CCDC66: variants seen among roughly 807,000 people sequenced by gnomAD.
CCDC66 encodes coiled-coil domain-containing protein 66.
Under a neutral mutation model 128.3 loss-of-function variants are expected in CCDC66, and 133 were observed. The observed-to-expected ratio is 1.04, with a 90% CI of 0.90 to 1.20. The LOEUF is 1.20. CCDC66 is among the 50% of genes most tolerant of loss of function. The pLI is 0.00. For synonymous variants in CCDC66, 387 were observed against 357.0 expected (o/e 1.08, Z -0.95); for missense variants, 1,126 against 1,075.5 (o/e 1.05, Z -0.66).
intron 4 of CCDC66, 29 bp from the exon 5 acceptor site, chr3:56,566,565 A>C (rs963991162): frequency 2.1e-6 from 3 of 1,409,074 alleles, no homozygotes; most frequent in Non-Finnish European, 3.0e-6. Context: ...ATTTAGTGTT[A>C]ATTTTAAAAC....
At chr3:56,566,523 A>T (rs909456021) in intron 4 of CCDC66, 71 bp from the exon 5 acceptor site, 5 of 1,001,706 alleles carry the variant, frequency 5.0e-6, no homozygotes, top group Non-Finnish European at 7.7e-6. Flanking sequence ...TAAGAACTGT[A>T]TAGCACTATG....
chr3:56,577,130 G>GT (rs2067510310), intron 7 of CCDC66, among the ~76,000 whole-genome samples: 1 of 151,790 alleles, frequency 6.6e-6, no homozygotes, highest in Non-Finnish European at 1.5e-5. Flanking sequence ...CTGTGAGATG[G>GT]TATCTCATTG....
Position 56,619,359 on chromosome 3 carries a change from GAGAGAGAGAA to G in CCDC66, c.2468_2477del (p.Glu823ValfsTer2). ...TTTACCACTAAAAAACAGTAGCTAT[GAGAGAGAGAA>G]TTTGATCTCAGGAAGTAATCAAACA... On this transcript the variant is annotated frameshift_variant, in exon 16 of 18. Coordinates refer to ENST00000394672, the MANE Select transcript of CCDC66 (RefSeq NM_001141947.3). LOFTEE classifies it high-confidence loss of function. 1 of 1,613,314 alleles carries G rather than the reference GAGAGAGAGAA, an allele frequency of 6.2e-7. No individual in the cohort carries two copies. Among genetic ancestry groups the G allele is most frequent in the South Asian group, 1.1e-5 (1 of 91,052 alleles).
In CCDC66 at chr3:56,566,803, AT is replaced by A; in HGVS notation, c.710+45del. The A allele has an allele frequency of 1.9e-6, 3 of 1,575,226 alleles. No individual in the cohort carries two copies. In the Middle Eastern group the frequency reaches 5.1e-4, roughly 267 times the overall value. ...TTGTTATTGTGTGGTCATCTTCAGA[AT>A]ATGGTTTTGCTTTTCCTTTACTTGC... is the stretch of plus-strand genomic sequence containing the variant. On this transcript the variant is annotated intron_variant, in intron 5 of 17. Coordinates refer to ENST00000394672, the MANE Select transcript of CCDC66 (RefSeq NM_001141947.3).
intron 10 of CCDC66, among the ~76,000 whole-genome samples, chr3:56,603,100 A>G (rs2073485158): frequency 6.6e-6 from 1 of 151,700 alleles, no homozygotes; most frequent in African/African-American, 2.4e-5. Flanking sequence ...CTCCCAAAGT[A>G]CTGGGATTAC....
chr3:56,568,087 G>A (rs116353935), intron 6 of CCDC66, among the ~76,000 whole-genome samples: 7,682 of 152,194 alleles, frequency 0.05, 275 homozygotes, highest in South Asian at 0.16. Flanking sequence ...TGTCAGACTC[G>A]GTTAATTTAT....
chr3:56,593,380 A>T, intron 8 of CCDC66, 111 bp from the exon 9 acceptor site: 4 of 1,177,598 alleles, frequency 3.4e-6, no homozygotes, highest in Non-Finnish European at 4.8e-6. Context: ...AATTTTTATG[A>T]TGCTTATTCT....
Position 56,593,012 on chromosome 3 carries a change from G to C in CCDC66, c.979G>C (p.Glu327Gln), listed in dbSNP as rs752295003. The C allele has an allele frequency of 4.3e-6, 7 of 1,611,104 alleles. No homozygotes were observed. In the African/African-American group the frequency reaches 9.4e-5, roughly 22 times the overall value. ...LEHPFSAVKQ[E>Q]LQRKWIEELN... is the part of the protein sequence containing the mutation. ...GCACCCTTTCAGTGCTGTGAAACAA[G>C]AACTGCAAAGAAAATGGATTGAAGA... is the stretch of plus-strand genomic sequence containing the variant. Residue 327 changes from glutamate (E) to glutamine (Q), a missense_variant, in exon 8 of 18, where the codon GAA becomes CAA. Physicochemically the swap from Glu to Gln is conservative, Grantham distance 29. Transcript: ENST00000394672.
In CCDC66 at chr3:56,558,883, A is replaced by G; in HGVS notation, c.49A>G (p.Lys17Glu). ...GCTTGAAACTGAATTACTGGATGGA[A>G]AAACCAAGCTAATATTGTCTCCATA... ...LKLETELLDG[K>E]TKLILSPYEH... The change falls in exon 2 of 18, where the codon AAA becomes GAA. Residue 17 changes from lysine to glutamate, a missense_variant. Transcript: ENST00000394672. The G allele has an allele frequency of 6.5e-7, 1 of 1,549,558 alleles. No individual in the cohort carries two copies. The highest frequency in any genetic ancestry group is 1.2e-5 in the South Asian group (1 of 83,916).
chr3:56,561,223 G>A (rs1220142510), intron 3 of CCDC66: 2 of 455,934 alleles, frequency 4.4e-6, no homozygotes, highest in Non-Finnish European at 8.8e-6. Flanking sequence ...TAGATGAAAA[G>A]CTGTTTGTAA....
chr3:56,579,779 TG>T (rs1233311107), intron 7 of CCDC66, among the ~76,000 whole-genome samples: 1 of 151,916 alleles, frequency 6.6e-6, no homozygotes, highest in Non-Finnish European at 1.5e-5. Flanking sequence ...AGAGATAGTT[TG>T]TTAAAATTTC....
At chr3:56,583,961 C>T (rs373110950) in intron 7 of CCDC66, among the ~76,000 whole-genome samples, 21 of 131,976 alleles carry the variant, frequency 1.6e-4, no homozygotes, top group African/African-American at 5.4e-4. Flanking sequence ...GGCGGCTGGC[C>T]GGGCGGGGGC....
At chr3:56,591,238 C>T (rs571150317) in intron 7 of CCDC66, among the ~76,000 whole-genome samples, 71 of 152,274 alleles carry the variant, frequency 4.7e-4, no homozygotes, top group Non-Finnish European at 7.1e-4. Flanking sequence ...TCTAATTGTT[C>T]AGTTATCTTA....
At chr3:56,581,913 G>T (rs1009833848) in intron 7 of CCDC66, among the ~76,000 whole-genome samples, 2 of 151,860 alleles carry the variant, frequency 1.3e-5, no homozygotes, top group African/African-American at 4.8e-5. Flanking sequence ...CAAACTCTGT[G>T]CTGGGAGAAG....
At position 56,592,967 on chromosome 3, in the gene CCDC66, T is replaced by C. The variant is rs1174006968; in HGVS notation, c.937-3T>C. The stretch of plus-strand genomic sequence containing the variant: ...TTAGATGGCTTTTATGGCTGTTGTT[T>C]AGGAAACAGTACTGCTGGAGCACCC... On this transcript the variant is annotated splice_region_variant and splice_polypyrimidine_tract_variant and intron_variant, in intron 7 of 17. Transcript: ENST00000394672. 2 of 1,603,800 alleles carry C rather than the reference T, an allele frequency of 1.2e-6. No homozygotes were observed. Among genetic ancestry groups the C allele is most frequent in the South Asian group, 2.3e-5 (2 of 88,202 alleles).
intron 10 of CCDC66, among the ~76,000 whole-genome samples, 174 bp from the exon 11 acceptor site, chr3:56,613,415 T>C (rs1385330308): frequency 6.6e-6 from 1 of 152,240 alleles, no homozygotes; most frequent in Non-Finnish European, 1.5e-5. Flanking sequence ...CTTCCTGTCA[T>C]GTTGAATTCC....
intron 4 of CCDC66, among the ~76,000 whole-genome samples, chr3:56,565,912 C>T (rs1211870764): frequency 6.6e-6 from 1 of 151,822 alleles, no homozygotes; most frequent in Non-Finnish European, 1.5e-5. Context: ...GTGATCCGCC[C>T]ACCTTGGCCT....
intron 1 of CCDC66, 72 bp downstream of exon 1, chr3:56,557,325 C>T: frequency 1.3e-6 from 2 of 1,533,358 alleles, no homozygotes; most frequent in African/African-American, 1.4e-5. Context: ...GCATGTGTGT[C>T]TGGGTTGTCC....
At chr3:56,621,370 C>CAAAT (rs1202434185) in intron 17 of CCDC66, 162 bp from the exon 18 acceptor site, 4 of 452,776 alleles carry the variant, frequency 8.8e-6, no homozygotes, top group East Asian at 6.7e-5. Flanking sequence ...GCTATATATC[C>CAAAT]AAATGAGGTG....
Sources: gnomAD v4.1 joint callset for allele counts (sites outside exome capture counted in the v4.1 genomes callset) on GRCh38, gnomAD v4.1.1 for gene constraint, MANE v1.5 for transcripts, NCBI Gene and HGNC (gene_info 2026-07-23, HGNC 2026-07-21) for gene names.